MRTFA: variants seen among roughly 807,000 people sequenced by gnomAD.
MRTFA encodes myocardin related transcription factor A, also known as myocardin-related transcription factor A.
A neutral mutation model predicts 83.5 loss-of-function variants in MRTFA; 20 were observed. That is an observed-to-expected ratio of 0.24 (90% CI 0.17 to 0.35). MRTFA has a LOEUF of 0.35. Ranked by LOEUF, MRTFA falls within the 10% of genes least tolerant of loss-of-function variation. The pLI is 1.00. For missense variants in MRTFA, 1,200 were observed against 1,224.7 expected, an observed-to-expected ratio of 0.98 and a Z score of 0.30; for synonymous variants, 659 against 541.2, an observed-to-expected ratio of 1.22 and a Z score of -3.02.
chr22:40,550,101 T>C (rs117542783), intron 3 of MRTFA, among the ~76,000 whole-genome samples: 14,756 of 150,678 alleles, frequency 0.098, 996 homozygotes, highest in Non-Finnish European at 0.14. Flanking sequence ...TAGATATCTG[T>C]GTTATAAAGC....
At chr22:40,490,655 C>T (rs192018235) in intron 3 of MRTFA, among the ~76,000 whole-genome samples, 2 of 151,884 alleles carry the variant, frequency 1.3e-5, no homozygotes, top group East Asian at 3.9e-4. Context: ...GCAAACTGGG[C>T]ACTGATAATC....
At position 40,418,524 on chromosome 22, in the gene MRTFA, G is replaced by A. The variant is rs142826865; in HGVS notation, c.2214C>T (p.Pro738=). The change falls in exon 12 of 15, where the codon CCC becomes CCT. Residue 738 remains proline (P), a synonymous_variant. Coordinates refer to ENST00000355630, the MANE Select transcript of MRTFA (RefSeq NM_020831.6). ...GGCCCTGAGGCCCCAGAAGCAACTG[G>A]GGGGCGGGGACCGGCTCGGGCTCAG... 4.1e-5 allele frequency: 65 copies of A among 1,590,662 alleles called. No homozygotes were observed. The highest frequency in any genetic ancestry group is 1.5e-4 in the Admixed American group (8 of 52,242).
At chr22:40,517,761 G>A in intron 3 of MRTFA, among the ~76,000 whole-genome samples, 1 of 152,108 alleles carries the variant, frequency 6.6e-6, no homozygotes, top group South Asian at 2.1e-4. Flanking sequence ...AACCAAACCT[G>A]AGTTTATGTT....
chr22:40,459,782 T>TAC (rs745698441), intron 4 of MRTFA, among the ~76,000 whole-genome samples: 26,892 of 87,722 alleles, frequency 0.31, 4,639 homozygotes, highest in Admixed American at 0.42. Context: ...TGATAAAATA[T>TAC]ACACACACAC....
chr22:40,573,563 T>C (rs1368756576), intron 2 of MRTFA, among the ~76,000 whole-genome samples: 2 of 152,140 alleles, frequency 1.3e-5, no homozygotes, highest in Non-Finnish European at 2.9e-5. Flanking sequence ...CTGAATTATG[T>C]ACTTCTGAAA....
intron 3 of MRTFA, among the ~76,000 whole-genome samples, chr22:40,495,959 G>C (rs111228505): frequency 6.6e-6 from 1 of 151,630 alleles, no homozygotes; most frequent in African/African-American, 2.4e-5. Context: ...CCAGCTACTC[G>C]GGAGGCTGAG....
At chr22:40,562,131 G>A (rs1464007573) in intron 2 of MRTFA, among the ~76,000 whole-genome samples, 3 of 151,858 alleles carry the variant, frequency 2.0e-5, no homozygotes, top group African/African-American at 4.8e-5. Flanking sequence ...GCCGGAGAAC[G>A]GCGTGAACCC....
At chr22:40,417,558 G>C (rs558849141) in intron 12 of MRTFA, 65 bp from the exon 13 acceptor site, 10 of 423,574 alleles carry the variant, frequency 2.4e-5, no homozygotes, top group South Asian at 1.8e-4. Flanking sequence ...TGCCTTGTAG[G>C]GGGCGGGGGG....
At chr22:40,518,323 G>A (rs905519095) in intron 3 of MRTFA, among the ~76,000 whole-genome samples, 12 of 151,996 alleles carry the variant, frequency 7.9e-5, no homozygotes, top group African/African-American at 2.7e-4. Context: ...CCCTTAACCT[G>A]TGGGGGTCTG....
In MRTFA at chr22:40,557,843, G is replaced by A. The variant is rs566064111; in HGVS notation, c.-21-5476C>T. ...GGCTGGAGTGCAGTGGCAAGTTCTCGGCTCAGTGCAACCTCCACCTCCCGG... is the reference window on the plus strand; with the variant it reads ...GGCTGGAGTGCAGTGGCAAGTTCTCAGCTCAGTGCAACCTCCACCTCCCGG... On this transcript the variant is annotated intron_variant, in intron 2 of 14. Transcript: ENST00000355630. Among the ~76,000 whole-genome samples, 16 of 151,334 alleles carry A rather than the reference G, an allele frequency of 1.1e-4. 1 individual carries two copies. In the Middle Eastern group the frequency reaches 0.014, roughly 130 times the overall value.
chr22:40,425,208 A>G (rs1013739049), intron 7 of MRTFA, among the ~76,000 whole-genome samples: 3 of 152,236 alleles, frequency 2.0e-5, no homozygotes, highest in Admixed American at 1.3e-4. Flanking sequence ...CTTCTGTTCC[A>G]TGGGGTCCCA....
At chr22:40,448,651 C>T (rs1396725745) in intron 4 of MRTFA, among the ~76,000 whole-genome samples, 1 of 152,192 alleles carries the variant, frequency 6.6e-6, no homozygotes, top group African/African-American at 2.4e-5. Flanking sequence ...GGGAAGGCTT[C>T]AGATCTAACC....
Position 40,423,696 on chromosome 22 carries a change from A to T in MRTFA, c.778-11T>A. 1 of 1,529,982 alleles carries T rather than the reference A, an allele frequency of 6.5e-7. No individual in the cohort carries two copies. The highest frequency in any genetic ancestry group is 1.3e-5 in the South Asian group (1 of 77,850). 94.8% of individuals were successfully genotyped at this position (1,529,982 alleles called of 1,614,324 possible). On this transcript the variant is annotated splice_polypyrimidine_tract_variant and intron_variant, in intron 8 of 14. Transcript: ENST00000355630. ...AAGTTGAGACACAACCTGAGAGGGA[A>T]AAAGGGAAGTGAGGACATGGCCACC...
intron 3 of MRTFA, among the ~76,000 whole-genome samples, chr22:40,547,011 C>G (rs2055374826): frequency 6.6e-6 from 1 of 151,938 alleles, no homozygotes; most frequent in African/African-American, 2.4e-5. Flanking sequence ...AAAAATTAGC[C>G]TGGCGTGGTG....
At chr22:40,524,535 A>G (rs1421835991) in intron 3 of MRTFA, among the ~76,000 whole-genome samples, 1 of 152,216 alleles carries the variant, frequency 6.6e-6, no homozygotes, top group Non-Finnish European at 1.5e-5. Context: ...GATAAATTTC[A>G]ATAAGTCTTA....
intron 4 of MRTFA, among the ~76,000 whole-genome samples, chr22:40,451,975 GTTTTTTTT>G (rs771103539): frequency 2.7e-4 from 22 of 80,482 alleles, no homozygotes; most frequent in African/African-American, 1.0e-3. Flanking sequence ...TTTTTTTTTG[GTTTTTTTT>G]TTTTTTTTTT....
chr22:40,417,105 C>T (rs2052697965), intron 13 of MRTFA, 59 bp from the exon 14 acceptor site: 7 of 1,528,304 alleles, frequency 4.6e-6, no homozygotes, highest in South Asian at 2.4e-5. Context: ...GCTCCCAGCC[C>T]GAACTACGAA....
intron 3 of MRTFA, among the ~76,000 whole-genome samples, chr22:40,477,281 C>T (rs1331306687): frequency 1.3e-5 from 2 of 151,196 alleles, no homozygotes; most frequent in East Asian, 3.9e-4. Flanking sequence ...ACCCAGGAGG[C>T]AGAGGTTGCA....
chr22:40,461,914 A>G (rs1234731918), intron 4 of MRTFA, among the ~76,000 whole-genome samples: 1 of 152,098 alleles, frequency 6.6e-6, no homozygotes, highest in Non-Finnish European at 1.5e-5. Flanking sequence ...TCTCTCCACC[A>G]TGCCCCAGCC....
Sources: gnomAD v4.1 joint callset for allele counts (sites outside exome capture counted in the v4.1 genomes callset) on GRCh38, gnomAD v4.1.1 for gene constraint, MANE v1.5 for transcripts, NCBI Gene and HGNC (gene_info 2026-07-23, HGNC 2026-07-21) for gene names.